Variants in TENM4 observed in about 807,000 individuals in gnomAD.
TENM4 encodes the protein teneurin-4.
A neutral mutation model predicts 243.3 loss-of-function variants in TENM4; 82 were observed. The ratio of observed to expected loss-of-function variants is 0.34; its 90% CI spans 0.28 to 0.40. TENM4 has a LOEUF of 0.40. Among genes scored for constraint, TENM4 ranks in the 10% least tolerant of loss-of-function variants. The pLI, the probability that TENM4 is intolerant of heterozygous loss-of-function variation, is 1.00. For synonymous variants in TENM4, 1,412 were observed against 1,456.3 expected (o/e 0.97, Z 0.69); for missense variants, 3,138 against 3,673.3 (o/e 0.85, Z 3.77).
At chr11:78,889,681 T>C (rs1855619168) in intron 9 of TENM4, 104 bp downstream of exon 9, 1 of 1,273,208 alleles carries the variant, frequency 7.9e-7, no homozygotes, top group Admixed American at 2.1e-5. Context: ...ACTGCGTGCT[T>C]TGCCTGCCAT....
chr11:78,856,308 C>T, intron 10 of TENM4, 130 bp from the exon 11 acceptor site: 1 of 829,060 alleles, frequency 1.2e-6, no homozygotes, highest in South Asian at 1.8e-5. Context: ...CTGCTGTCAG[C>T]TTCCTCCCCA....
chr11:79,148,078 T>A (rs1862425583), intron 4 of TENM4, among the ~76,000 whole-genome samples: 1 of 152,118 alleles, frequency 6.6e-6, no homozygotes, highest in African/African-American at 2.4e-5. Context: ...AGGCCTGCTC[T>A]TTGGGTTTAC....
chr11:79,378,588 C>A (rs139078478), intron 1 of TENM4, among the ~76,000 whole-genome samples: 141 of 152,298 alleles, frequency 9.3e-4, no homozygotes, highest in Admixed American at 1.5e-3. Context: ...ACACAGTATG[C>A]AGAGAAGGGG....
At chr11:79,205,880 C>A (rs1240480591) in intron 3 of TENM4, among the ~76,000 whole-genome samples, 1 of 152,248 alleles carries the variant, frequency 6.6e-6, no homozygotes, top group Non-Finnish European at 1.5e-5. Context: ...GGAGGCACTA[C>A]TAATGTTGAA....
intron 1 of TENM4, among the ~76,000 whole-genome samples, chr11:79,415,741 T>C (rs1483213722): frequency 6.6e-6 from 1 of 152,244 alleles, no homozygotes; most frequent in Non-Finnish European, 1.5e-5. Context: ...TATTGAGCTA[T>C]ATTTGATATA....
chr11:78,892,265 G>C (rs1446896864), intron 7 of TENM4, among the ~76,000 whole-genome samples: 2 of 152,194 alleles, frequency 1.3e-5, no homozygotes, highest in African/African-American at 2.4e-5. Flanking sequence ...CCTGTCTCCT[G>C]ATCTTTTCAG....
intron 2 of TENM4, among the ~76,000 whole-genome samples, chr11:79,244,048 C>T (rs1011518642): frequency 1.9e-4 from 29 of 152,166 alleles, no homozygotes; most frequent in African/African-American, 3.4e-4. Context: ...GCAAGTCCTA[C>T]GATCAGTGGT....
At position 79,402,495 on chromosome 11, in the gene TENM4, T is replaced by C. The variant is rs1241143385; in HGVS notation, c.-321+38014A>G. On this transcript the variant is annotated intron_variant, in intron 1 of 33. Coordinates refer to ENST00000278550, the MANE Select transcript of TENM4 (RefSeq NM_001098816.3). ...CTAAGAGTCCTTTTCTTATGTGTGG[T>C]TTCCCATCCAATTATTCAATGCATT... Among the ~76,000 whole-genome samples, 6 of 152,170 alleles carry C rather than the reference T, an allele frequency of 3.9e-5. No homozygotes were observed. In the East Asian group the frequency reaches 1.2e-3, roughly 29 times the overall value.
intron 2 of TENM4, among the ~76,000 whole-genome samples, chr11:79,281,960 G>C (rs1239913807): frequency 2.0e-5 from 3 of 152,056 alleles, no homozygotes; most frequent in African/African-American, 7.2e-5. Context: ...GTTCTGCTTG[G>C]GCCTGGAAGG....
intron 1 of TENM4, among the ~76,000 whole-genome samples, chr11:79,407,152 C>T (rs1177062017): frequency 1.3e-5 from 2 of 152,148 alleles, no homozygotes; most frequent in East Asian, 1.9e-4. Flanking sequence ...GTCAGATTTC[C>T]ATAAATAATT....
At chr11:79,339,331 TGTC>T (rs1191221402) in intron 1 of TENM4, among the ~76,000 whole-genome samples, 1 of 152,234 alleles carries the variant, frequency 6.6e-6, no homozygotes, top group East Asian at 1.9e-4. Context: ...ATCAAAGTGT[TGTC>T]GTGGAGATCA....
intron 3 of TENM4, among the ~76,000 whole-genome samples, chr11:79,169,979 G>A (rs1863003435): frequency 6.6e-6 from 1 of 152,182 alleles, no homozygotes; most frequent in African/African-American, 2.4e-5. Flanking sequence ...AATAGGATGG[G>A]GCTTTTCTTT....
Position 78,656,837 on chromosome 11 carries a change from C to T in TENM4, c.*1221G>A, listed in dbSNP as rs766304215. ...CCCAGCCTGCCCCAGTCCAGCTCTG[C>T]GATCAGCTGGTACATGGAGGCAGAT... On this transcript the variant is annotated 3_prime_UTR_variant, in exon 34 of 34. Coordinates refer to ENST00000278550, the MANE Select transcript of TENM4 (RefSeq NM_001098816.3). 2.3e-5 allele frequency: 9 copies of T among 393,944 alleles called. No individual in the cohort carries two copies. The highest frequency in any genetic ancestry group is 4.1e-5 in the African/African-American group (2 of 48,568). The allele number at this position is 393,944 out of a possible 1,614,324, so 24.4% of individuals were successfully genotyped here.
intron 3 of TENM4, among the ~76,000 whole-genome samples, chr11:79,159,115 T>C (rs1395305313): frequency 1.3e-5 from 2 of 152,178 alleles, no homozygotes; most frequent in East Asian, 1.9e-4. Flanking sequence ...CTCAAAGCCA[T>C]GATTTCCAGA....
chr11:78,827,977 G>A (rs1271269379), intron 12 of TENM4, among the ~76,000 whole-genome samples: 1 of 152,192 alleles, frequency 6.6e-6, no homozygotes, highest in Non-Finnish European at 1.5e-5. Flanking sequence ...AATTCATTGA[G>A]AGGAAGGATC....
At chr11:79,406,779 A>T (rs1351990481) in intron 1 of TENM4, among the ~76,000 whole-genome samples, 1 of 152,108 alleles carries the variant, frequency 6.6e-6, no homozygotes, top group Non-Finnish European at 1.5e-5. Context: ...ATTCTTTAAA[A>T]ACTGTATTTT....
At chr11:78,676,445 A>AG (rs1858481024) in intron 29 of TENM4, 58 bp from the exon 30 acceptor site, 1 of 1,410,774 alleles carries the variant, frequency 7.1e-7, no homozygotes, top group Non-Finnish European at 9.6e-7. Flanking sequence ...GGGAGGTGTG[A>AG]GGACAGCAGA....
Position 79,409,060 on chromosome 11 carries a change from T to TTGTGTG in TENM4, c.-321+31443_-321+31448dup, listed in dbSNP as rs559211499. 6.4e-3 allele frequency among the ~76,000 whole-genome samples: 914 copies of TTGTGTG among 141,938 alleles called. 5 individuals carry two copies. Among genetic ancestry groups the TTGTGTG allele is most frequent in the African/African-American group, 0.019 (719 of 37,626 alleles). The allele number at this position is 141,938 out of a possible 152,430, so 93.1% of individuals were successfully genotyped here. ...TAAAGTGTTGTCTATGAGGGATATT[T>TTGTGTG]TGTGTGTGTGTGTGTGTGTGTGTGT... On this transcript the variant is annotated intron_variant, in intron 1 of 33. Coordinates refer to ENST00000278550, the MANE Select transcript of TENM4 (RefSeq NM_001098816.3).
chr11:79,397,574 C>T (rs1468853824), intron 1 of TENM4, among the ~76,000 whole-genome samples: 1 of 152,090 alleles, frequency 6.6e-6, no homozygotes, highest in African/African-American at 2.4e-5. Flanking sequence ...AGGTAACTGC[C>T]ACTCATGGTC....
Sources: allele counts gnomAD v4.1 joint callset (sites outside exome capture counted in the v4.1 genomes callset), GRCh38; gene constraint gnomAD v4.1.1; transcripts MANE v1.5; gene names NCBI Gene and HGNC (gene_info 2026-07-23, HGNC 2026-07-21).